GSE1: variants seen among roughly 807,000 people sequenced by gnomAD.
GSE1 encodes the protein Gse1 coiled-coil protein, also known as genetic suppressor element 1.
GSE1 carries 32 observed loss-of-function variants against 112.6 expected under a neutral mutation model. The observed-to-expected ratio is 0.28, with a 90% CI of 0.21 to 0.38. The LOEUF (loss-of-function observed/expected upper bound fraction) is 0.38. GSE1 is among the 10% of genes least tolerant of loss of function. The pLI, the probability that GSE1 is intolerant of heterozygous loss-of-function variation, is 1.00. For synonymous variants in GSE1, 1,115 were observed against 735.6 expected (o/e 1.52, Z -8.35); for missense variants, 2,348 against 1,699.2 (o/e 1.38, Z -6.71).
chr16:85,331,699 A>ATTTTTTTTTTTTT (rs1567693490), intron 1 of GSE1, among the ~76,000 whole-genome samples: 1 of 59,328 alleles, frequency 1.7e-5, no homozygotes, highest in African/African-American at 5.8e-5. Flanking sequence ...ATATATATAT[A>ATTTTTTTTTTTTT]TATATATATT....
chr16:85,578,267 TA>T (rs951753162), intron 1 of GSE1, among the ~76,000 whole-genome samples: 26 of 152,326 alleles, frequency 1.7e-4, no homozygotes, highest in Non-Finnish European at 3.2e-4. Flanking sequence ...GCTGGAGGGA[TA>T]AATTACCCCT....
chr16:85,593,696 A>G (rs1209923750), intron 1 of GSE1: 1 of 151,494 alleles, frequency 6.6e-6, no homozygotes, highest in Admixed American at 6.6e-5. Context: ...GCTGGGCTCC[A>G]GCCCATTTGC....
chr16:85,537,552 G>A (rs1271274843), intron 2 of GSE1, among the ~76,000 whole-genome samples: 1 of 152,210 alleles, frequency 6.6e-6, no homozygotes, highest in South Asian at 2.1e-4. Flanking sequence ...CTCCCATGGC[G>A]CAGGAACCCC....
intron 1 of GSE1, among the ~76,000 whole-genome samples, chr16:85,621,642 G>A (rs776035921): frequency 6.6e-6 from 1 of 152,184 alleles, no homozygotes; most frequent in African/African-American, 2.4e-5. Flanking sequence ...GGGATCCTGC[G>A]GAGTGACTCT....
chr16:85,321,007 C>G (rs1015944336), intron 1 of GSE1, among the ~76,000 whole-genome samples: 3 of 152,196 alleles, frequency 2.0e-5, no homozygotes, highest in African/African-American at 7.2e-5. Context: ...GCTTAGTTTC[C>G]TCTGCGCCCC....
intron 2 of GSE1, among the ~76,000 whole-genome samples, chr16:85,484,973 A>G (rs1299969457): frequency 6.6e-6 from 1 of 152,020 alleles, no homozygotes. Context: ...CTCAGCCCTC[A>G]TTCAGCCTTG....
chr16:85,378,174 T>C (rs952247068), intron 2 of GSE1, among the ~76,000 whole-genome samples: 6 of 151,854 alleles, frequency 4.0e-5, no homozygotes, highest in African/African-American at 1.5e-4. Flanking sequence ...AGGAGGGCAG[T>C]GGGGGTAGGG....
rs142831792 is a variant in GSE1 at position 85,309,123 on chromosome 16, C to T, written c.2284-48340C>T. On this transcript the variant is annotated intron_variant, in intron 1 of 2. Transcript: ENST00000637419. Reference sequence around the variant, plus strand: ...CTGGTCTCAGCCGGTTTTGCACTAGCGAAGCTCTCGACCCAGGCCGCCCAC... The same window carrying T: ...CTGGTCTCAGCCGGTTTTGCACTAGTGAAGCTCTCGACCCAGGCCGCCCAC... Among the ~76,000 whole-genome samples, 349 of 151,696 alleles carry T rather than the reference C, an allele frequency of 2.3e-3. 4 individuals carry two copies. The highest frequency in any genetic ancestry group is 8.0e-3 in the African/African-American group (332 of 41,284).
intron 1 of GSE1, among the ~76,000 whole-genome samples, chr16:85,174,928 G>T (rs1048956465): frequency 6.6e-6 from 1 of 152,142 alleles, no homozygotes; most frequent in African/African-American, 2.4e-5. Flanking sequence ...TGTCTTTTGG[G>T]GGGTGGTTTG....
chr16:85,354,995 C>T (rs138028390), intron 1 of GSE1, among the ~76,000 whole-genome samples: 10 of 152,314 alleles, frequency 6.6e-5, no homozygotes, highest in East Asian at 3.9e-4. Flanking sequence ...CCTGAGGTGC[C>T]GCCGCCTCCT....
intron 1 of GSE1, among the ~76,000 whole-genome samples, chr16:85,205,493 C>T (rs773142880): frequency 7.2e-5 from 11 of 152,298 alleles, no homozygotes; most frequent in African/African-American, 2.2e-4. Context: ...TGGCCTGAGG[C>T]GACCCAGCAG....
intron 2 of GSE1, among the ~76,000 whole-genome samples, chr16:85,545,410 C>T (rs1419143731): frequency 6.6e-6 from 1 of 152,170 alleles, no homozygotes; most frequent in Non-Finnish European, 1.5e-5. Context: ...TGTTCTTGCC[C>T]TTCCTGTTTT....
intron 1 of GSE1, among the ~76,000 whole-genome samples, chr16:85,172,029 G>A (rs2074367412): frequency 6.6e-6 from 1 of 152,228 alleles, no homozygotes; most frequent in South Asian, 2.1e-4. Context: ...TCAGAGGAGT[G>A]GGGATCAGGA....
intron 1 of GSE1, among the ~76,000 whole-genome samples, chr16:85,222,670 G>C (rs1032735676): frequency 6.6e-6 from 1 of 152,216 alleles, no homozygotes; most frequent in Non-Finnish European, 1.5e-5. Context: ...ATGAAGTCCA[G>C]GAAACGGAAA....
chr16:85,309,679 A>G (rs1054096340), intron 1 of GSE1, among the ~76,000 whole-genome samples: 1 of 152,120 alleles, frequency 6.6e-6, no homozygotes, highest in African/African-American at 2.4e-5. Context: ...TGCAGACGCC[A>G]TTTGGGGCTA....
intron 2 of GSE1, among the ~76,000 whole-genome samples, chr16:85,388,296 A>ATGGT (rs1411652577): frequency 6.0e-5 from 1 of 16,634 alleles, no homozygotes; most frequent in Non-Finnish European, 1.9e-4. Flanking sequence ...GGGTGGGTGG[A>ATGGT]TGGATGGATG....
chr16:85,656,741 G>C (rs954189641), intron 7 of GSE1, 76 bp downstream of exon 7: 6 of 1,434,580 alleles, frequency 4.2e-6, no homozygotes, highest in Non-Finnish European at 5.5e-6. Context: ...CGCAGCACCT[G>C]CCGGTTGCCG....
chr16:85,236,136 AC>A (rs983295881), intron 1 of GSE1, among the ~76,000 whole-genome samples: 1 of 151,934 alleles, frequency 6.6e-6, no homozygotes, highest in African/African-American at 2.4e-5. Context: ...GGGCCACCGG[AC>A]CGGAAAAGAG....
intron 2 of GSE1, among the ~76,000 whole-genome samples, chr16:85,371,188 C>T (rs776390199): frequency 2.6e-5 from 4 of 152,194 alleles, no homozygotes; most frequent in South Asian, 2.1e-4. Context: ...CGCTGCTCCT[C>T]GGGCTACCAG....
Sources: gnomAD v4.1 joint callset for allele counts (sites outside exome capture counted in the v4.1 genomes callset) on GRCh38, gnomAD v4.1.1 for gene constraint, MANE v1.5 for transcripts, NCBI Gene and HGNC (gene_info 2026-07-23, HGNC 2026-07-21) for gene names.